The following VAV3 variants were observed in gnomAD, a reference collection of about 807,000 sequenced individuals.
VAV3 encodes guanine nucleotide exchange factor VAV3.
VAV3 carries 94 observed loss-of-function variants against 131.2 expected under a neutral mutation model. The observed-to-expected ratio is 0.72, with a 90% CI of 0.61 to 0.85. VAV3 has a LOEUF of 0.85. Ranked by LOEUF, VAV3 falls within the 40% of genes least tolerant of loss-of-function variation. VAV3 has a pLI of 0.00. For missense variants in VAV3, 939 were observed against 1,002.7 expected (o/e 0.94, Z 0.86); for synonymous variants, 349 against 342.0 (o/e 1.02, Z -0.22).
intron 15 of VAV3, among the ~76,000 whole-genome samples, chr1:107,738,098 T>C (rs1662778466): frequency 6.6e-6 from 1 of 152,094 alleles, no homozygotes; most frequent in South Asian, 2.1e-4. Context: ...AGCAAACTAT[T>C]GCAAGGACAG....
At chr1:107,951,233 C>A (rs769588183) in intron 1 of VAV3, among the ~76,000 whole-genome samples, 1 of 152,174 alleles carries the variant, frequency 6.6e-6, no homozygotes, top group Non-Finnish European at 1.5e-5. Context: ...TCTGTAGTAA[C>A]CATTCATGTC....
At chr1:107,732,661 G>A (rs1662326563) in intron 15 of VAV3, among the ~76,000 whole-genome samples, 1 of 152,210 alleles carries the variant, frequency 6.6e-6, no homozygotes, top group African/African-American at 2.4e-5. Context: ...GGCTGGGGAA[G>A]GGGCATCTGC....
chr1:107,800,748 A>G (rs747220937), intron 2 of VAV3, among the ~76,000 whole-genome samples: 15 of 152,068 alleles, frequency 9.9e-5, no homozygotes, highest in Non-Finnish European at 1.9e-4. Flanking sequence ...TAGTTTGCAA[A>G]TATTTTTTCT....
intron 5 of VAV3, among the ~76,000 whole-genome samples, chr1:107,770,960 A>G (rs1022729825): frequency 3.9e-5 from 6 of 152,182 alleles, no homozygotes; most frequent in African/African-American, 1.4e-4. Flanking sequence ...GAATGTAGAC[A>G]CTCTAAAATA....
At chr1:107,587,476 CTAG>C (rs1050573836) in intron 25 of VAV3, among the ~76,000 whole-genome samples, 1 of 152,168 alleles carries the variant, frequency 6.6e-6, no homozygotes, top group African/African-American at 2.4e-5. Flanking sequence ...AAGCAAGAGA[CTAG>C]TAAAACCAAA....
At chr1:107,785,632 G>A (rs1665938709) in intron 2 of VAV3, 4 of 1,136,848 alleles carry the variant, frequency 3.5e-6, no homozygotes, top group Non-Finnish European at 4.4e-6. Flanking sequence ...TGAAGGATCA[G>A]AGCAAGTGCC....
chr1:107,691,489 C>G (rs1659423293), intron 17 of VAV3, among the ~76,000 whole-genome samples: 1 of 152,150 alleles, frequency 6.6e-6, no homozygotes, highest in African/African-American at 2.4e-5. Flanking sequence ...TGGCTGTACT[C>G]TGACCTAGAA....
At chr1:107,872,550 A>G (rs1457522184) in intron 2 of VAV3, among the ~76,000 whole-genome samples, 1 of 152,194 alleles carries the variant, frequency 6.6e-6, no homozygotes, top group African/African-American at 2.4e-5. Context: ...CTGAATTAAC[A>G]CTATTCACAT....
At chr1:107,883,559 CT>C (rs1375595709) in intron 1 of VAV3, among the ~76,000 whole-genome samples, 3 of 151,990 alleles carry the variant, frequency 2.0e-5, no homozygotes, top group Non-Finnish European at 4.4e-5. Flanking sequence ...AGCAATGTGT[CT>C]TTTTAAACTT....
chr1:107,805,155 A>G (rs1019796661), intron 2 of VAV3, among the ~76,000 whole-genome samples: 1 of 152,054 alleles, frequency 6.6e-6, no homozygotes, highest in African/African-American at 2.4e-5. Context: ...TTGGGGTTGA[A>G]TCTGTTTGCT....
chr1:107,599,930 A>AT (rs1651713560), intron 24 of VAV3, among the ~76,000 whole-genome samples: 1 of 151,578 alleles, frequency 6.6e-6, no homozygotes, highest in Admixed American at 6.6e-5. Flanking sequence ...CCAACATGAT[A>AT]AAAGGTAACT....
rs144517396 is a variant in VAV3 at position 107,887,753 on chromosome 1, A to G, written c.205-12736T>C. 4.1e-3 allele frequency among the ~76,000 whole-genome samples: 628 copies of G among 152,204 alleles called. 5 individuals carry two copies. The highest frequency in any genetic ancestry group is 0.014 in the African/African-American group (590 of 41,536). ...GATACCCCAACCCATACACCAACACAACCCCCTGCTCAGATATTTGGCCCT... is the reference window on the plus strand; with the variant it reads ...GATACCCCAACCCATACACCAACACGACCCCCTGCTCAGATATTTGGCCCT... On this transcript the variant is annotated intron_variant, in intron 1 of 26. Transcript: ENST00000370056.
intron 2 of VAV3, among the ~76,000 whole-genome samples, chr1:107,838,285 A>G (rs1668559525): frequency 6.6e-6 from 1 of 152,234 alleles, no homozygotes; most frequent in South Asian, 2.1e-4. Context: ...TCCATTGAAA[A>G]GTGAGCAAAG....
Position 107,642,783 on chromosome 1 carries a change from A to T in VAV3, c.1778-28T>A, listed in dbSNP as rs1570670387. On this transcript the variant is annotated intron_variant, in intron 19 of 26. Coordinates refer to ENST00000370056, the MANE Select transcript of VAV3 (RefSeq NM_006113.5). ...GAAAATAAGCCAAACAAGTTTTAGAATTGAGAAAACAATGATGCATGAAGT... is the reference window on the plus strand; with the variant it reads ...GAAAATAAGCCAAACAAGTTTTAGATTTGAGAAAACAATGATGCATGAAGT... 8 of 1,612,650 alleles carry T rather than the reference A, an allele frequency of 5.0e-6. No homozygotes were observed. In the East Asian group the frequency reaches 1.8e-4, roughly 36 times the overall value.
chr1:107,952,485 T>TATATACACAC (rs1317970944), intron 1 of VAV3, among the ~76,000 whole-genome samples: 5 of 94,450 alleles, frequency 5.3e-5, no homozygotes, highest in Non-Finnish European at 7.2e-5. Context: ...TATATATATA[T>TATATACACAC]ACACACATAA....
chr1:107,701,755 G>GCCA (rs1004607505), intron 17 of VAV3, among the ~76,000 whole-genome samples: 7 of 152,130 alleles, frequency 4.6e-5, no homozygotes, highest in African/African-American at 9.7e-5. Context: ...GGGGCACAAT[G>GCCA]CCACCAGTCT....
chr1:107,840,688 G>A (rs951545766), intron 2 of VAV3, among the ~76,000 whole-genome samples: 1 of 152,220 alleles, frequency 6.6e-6, no homozygotes, highest in African/African-American at 2.4e-5. Context: ...TCTGGTCAAG[G>A]CAGGAAAGGA....
chr1:107,936,228 C>A (rs1224304035), intron 1 of VAV3, among the ~76,000 whole-genome samples: 7 of 152,006 alleles, frequency 4.6e-5, no homozygotes, highest in African/African-American at 7.3e-5. Flanking sequence ...TTTGAATAAT[C>A]AACAATGACT....
chr1:107,764,157 G>A (rs1010753553), intron 9 of VAV3, among the ~76,000 whole-genome samples: 8 of 151,238 alleles, frequency 5.3e-5, no homozygotes, highest in African/African-American at 1.9e-4. Flanking sequence ...TAGGTTTCTA[G>A]ACTTATATAC....
Sources: allele counts gnomAD v4.1 joint callset (sites outside exome capture counted in the v4.1 genomes callset), GRCh38; gene constraint gnomAD v4.1.1; transcripts MANE v1.5; gene names NCBI Gene and HGNC (gene_info 2026-07-23, HGNC 2026-07-21).